The following CD47 variants were observed in gnomAD, a reference collection of about 807,000 sequenced individuals.
CD47 encodes the protein CD47 molecule.
In CD47, 11 loss-of-function variants were observed where a neutral mutation model predicts 44.6. The observed-to-expected ratio is 0.25, with a 90% confidence interval of 0.16 to 0.41. The LOEUF (loss-of-function observed/expected upper bound fraction) is 0.41. Ranked by LOEUF, CD47 falls within the 10% of genes least tolerant of loss-of-function variation. The probability of loss-of-function intolerance (pLI) is 1.00; values close to 1 mark genes in which losing one functional copy is unlikely to be tolerated. For missense variants in CD47, 306 were observed against 386.7 expected (o/e 0.79, Z 1.75); for synonymous variants, 140 against 136.3 (o/e 1.03, Z -0.19).
intron 3 of CD47, among the ~76,000 whole-genome samples, chr3:108,061,477 C>T (rs543177279): frequency 2.0e-5 from 3 of 151,886 alleles, no homozygotes; most frequent in African/African-American, 7.3e-5. Context: ...GCAGATTACA[C>T]CCTTGTGAAA....
chr3:108,054,881 T>G (rs1486430211), intron 7 of CD47: 1 of 152,244 alleles, frequency 6.6e-6, no homozygotes, highest in African/African-American at 2.4e-5. Flanking sequence ...GCCCTTATAT[T>G]GAACTAACTG....
chr3:108,060,784 T>G lies in CD47; in HGVS notation c.559A>C (p.Thr187Pro). The change falls in exon 4 of 11, where the codon ACT (threonine) becomes CCT (proline). Residue 187 changes from threonine (T) to proline (P), a missense_variant. By Grantham distance (38) the Thr-to-Pro change is conservative. Transcript: ENST00000361309. Reference sequence around the variant, plus strand: ...ATGGCTCCAACAATGACAATGACAGTGATCACTAGTCCAGCAACAAGTAAA... The same window carrying G: ...ATGGCTCCAACAATGACAATGACAGGGATCACTAGTCCAGCAACAAGTAAA... ...IALLVAGLVITVIVIVGAILF... is the reference protein window; with the variant it reads ...IALLVAGLVIPVIVIVGAILF... 6.2e-7 allele frequency: 1 copy of G among 1,613,698 alleles called. No homozygotes were observed. Among genetic ancestry groups the G allele is most frequent in the Non-Finnish European group, 8.5e-7 (1 of 1,179,630 alleles).
intron 4 of CD47, 63 bp downstream of exon 4, chr3:108,060,682 C>A: frequency 9.3e-7 from 1 of 1,079,278 alleles, no homozygotes; most frequent in South Asian, 1.3e-5. Flanking sequence ...TAATGCAGCC[C>A]TCCTCACCTT....
chr3:108,053,602 C>T (rs1423023032), intron 7 of CD47: 2 of 152,306 alleles, frequency 1.3e-5, no homozygotes, highest in Non-Finnish European at 2.9e-5. Context: ...CTTACTCTTG[C>T]TGCTGAGAGG....
intron 1 of CD47, among the ~76,000 whole-genome samples, chr3:108,088,605 A>G (rs1577021703): frequency 6.6e-6 from 1 of 152,270 alleles, no homozygotes; most frequent in East Asian, 1.9e-4. Context: ...ATTTTATTTA[A>G]TCATATGTAC....
At chr3:108,087,605 T>C (rs941755471) in intron 1 of CD47, among the ~76,000 whole-genome samples, 2 of 152,212 alleles carry the variant, frequency 1.3e-5, no homozygotes, top group African/African-American at 2.4e-5. Context: ...TATAGGCTCA[T>C]ACTTGCTTGA....
chr3:108,048,930 T>C (rs2078770584), intron 10 of CD47, among the ~76,000 whole-genome samples: 1 of 152,182 alleles, frequency 6.6e-6, no homozygotes, highest in Admixed American at 6.5e-5. Context: ...TGAGGAATCA[T>C]AATATGTTAA....
chr3:108,090,224 C>A (rs1176224397), intron 1 of CD47, among the ~76,000 whole-genome samples: 6 of 151,422 alleles, frequency 4.0e-5, no homozygotes, highest in Admixed American at 3.3e-4. Context: ...GAGTTTCCAG[C>A]AAGCTTATTT....
intron 10 of CD47, among the ~76,000 whole-genome samples, chr3:108,049,066 A>C (rs2078773684): frequency 6.6e-6 from 1 of 151,514 alleles, no homozygotes; most frequent in Admixed American, 6.6e-5. Flanking sequence ...CTTAAAAAAA[A>C]AATGGAAGCA....
chr3:108,083,346 T>C (rs2079453374), intron 1 of CD47, among the ~76,000 whole-genome samples: 1 of 152,060 alleles, frequency 6.6e-6, no homozygotes, highest in Admixed American at 6.6e-5. Context: ...AAGAGCTTTG[T>C]AGTGGCAGAG....
chr3:108,058,117 G>T (rs558748512), intron 6 of CD47, among the ~76,000 whole-genome samples: 118 of 152,110 alleles, frequency 7.8e-4, no homozygotes, highest in African/African-American at 2.8e-3. Flanking sequence ...TCCCGTAATT[G>T]CACTCCTTGG....
At chr3:108,084,196 C>A (rs2079473173) in intron 1 of CD47, among the ~76,000 whole-genome samples, 1 of 152,008 alleles carries the variant, frequency 6.6e-6, no homozygotes, top group African/African-American at 2.4e-5. Context: ...GTGGCCTCCA[C>A]CCATTCACCC....
intron 1 of CD47, among the ~76,000 whole-genome samples, chr3:108,083,381 G>A (rs1016953273): frequency 6.6e-6 from 1 of 152,044 alleles, no homozygotes; most frequent in Non-Finnish European, 1.5e-5. Context: ...GGTGGTCACA[G>A]CACACAAGTT....
chr3:108,080,738 C>A (rs533198257), intron 1 of CD47, among the ~76,000 whole-genome samples: 23 of 151,730 alleles, frequency 1.5e-4, no homozygotes, highest in African/African-American at 5.3e-4. Flanking sequence ...AACAGAAAAC[C>A]AAACCAAATA....
chr3:108,075,145 T>C (rs1320268209), intron 2 of CD47, among the ~76,000 whole-genome samples: 1 of 152,196 alleles, frequency 6.6e-6, no homozygotes, highest in Non-Finnish European at 1.5e-5. Flanking sequence ...TTCACATCCT[T>C]ATTCTACCCA....
At chr3:108,083,615 T>C (rs560038731) in intron 1 of CD47, among the ~76,000 whole-genome samples, 5 of 152,160 alleles carry the variant, frequency 3.3e-5, no homozygotes, top group Admixed American at 1.3e-4. Flanking sequence ...TAATTGGTCT[T>C]ACAGATTTCT....
intron 1 of CD47, among the ~76,000 whole-genome samples, chr3:108,090,212 AAG>A (rs1294465402): frequency 5.3e-5 from 8 of 152,196 alleles, no homozygotes; most frequent in African/African-American, 1.9e-4. Flanking sequence ...ACGAGAAAGG[AAG>A]AGTTTCCAGC....
In CD47 at chr3:108,090,845, G is replaced by T; in HGVS notation, c.46+18C>A. The T allele has an allele frequency of 6.7e-7, 1 of 1,485,994 alleles. No homozygotes were observed. The highest frequency in any genetic ancestry group is 8.9e-7 in the Non-Finnish European group (1 of 1,123,416). 92.1% of individuals were successfully genotyped at this position (1,485,994 alleles called of 1,614,324 possible). A position where few individuals can be genotyped will look rare whatever the true frequency, so the allele number is the denominator to read the frequency against. ...GAAGCGACAGCAGCCGCAGGGCTGG[G>T]AGCGAGGAGCCACTCACCGCAGCAC... On this transcript the variant is annotated intron_variant, in intron 1 of 10. Transcript: ENST00000361309.
rs187929954 is a variant in CD47 at position 108,082,132 on chromosome 3, G to C, written c.47-1788C>G. 3.9e-5 allele frequency among the ~76,000 whole-genome samples: 6 copies of C among 152,054 alleles called. No homozygotes were observed. In the East Asian group the frequency reaches 1.2e-3, roughly 29 times the overall value. Reference sequence around the variant, plus strand: ...AGGAAGGAAAGTATCAGAAAATATGGTGAAGATTTTGAAAGGGATACAAAG... The same window carrying C: ...AGGAAGGAAAGTATCAGAAAATATGCTGAAGATTTTGAAAGGGATACAAAG... On this transcript the variant is annotated intron_variant, in intron 1 of 10. Coordinates refer to ENST00000361309, the MANE Select transcript of CD47 (RefSeq NM_001777.4).
Sources: gnomAD v4.1 joint callset for allele counts (sites outside exome capture counted in the v4.1 genomes callset) on GRCh38, gnomAD v4.1.1 for gene constraint, MANE v1.5 for transcripts, NCBI Gene and HGNC (gene_info 2026-07-23, HGNC 2026-07-21) for gene names.